TRAPPC8: variants seen among roughly 807,000 people sequenced by gnomAD.
TRAPPC8 encodes general sporulation gene 1 homolog.
TRAPPC8 carries 54 observed loss-of-function variants against 174.3 expected under a neutral mutation model. That is an observed-to-expected ratio of 0.31 (90% CI 0.25 to 0.39). The LOEUF (loss-of-function observed/expected upper bound fraction) is 0.39. Ranked by LOEUF, TRAPPC8 falls within the 10% of genes least tolerant of loss-of-function variation. The pLI is 1.00. For missense variants in TRAPPC8, 1,531 were observed against 1,699.1 expected, an observed-to-expected ratio of 0.90 and a Z score of 1.74; for synonymous variants, 630 against 579.9, an observed-to-expected ratio of 1.09 and a Z score of -1.24.
intron 16 of TRAPPC8, among the ~76,000 whole-genome samples, chr18:31,869,817 G>A (rs545460927): frequency 1.4e-4 from 22 of 152,286 alleles, no homozygotes; most frequent in Admixed American, 3.9e-4. Flanking sequence ...GGCCGGGCGC[G>A]GTGGCTCATG....
At chr18:31,867,604 T>A in intron 16 of TRAPPC8, 128 bp from the exon 17 acceptor site, 1 of 536,772 alleles carries the variant, frequency 1.9e-6, no homozygotes, top group Non-Finnish European at 3.2e-6. Flanking sequence ...TTTTACCACA[T>A]GCTGAGCTCT....
chr18:31,890,131 T>A (rs2035890732), intron 12 of TRAPPC8, among the ~76,000 whole-genome samples: 1 of 152,166 alleles, frequency 6.6e-6, no homozygotes, highest in Non-Finnish European at 1.5e-5. Context: ...CAAGTTTCCA[T>A]TTATATTTAT....
At chr18:31,908,262 G>GT in intron 8 of TRAPPC8, 41 bp downstream of exon 8, 1 of 1,317,426 alleles carries the variant, frequency 7.6e-7, no homozygotes, top group Non-Finnish European at 1.1e-6. Flanking sequence ...TAGTCAGAGA[G>GT]TTAAACAGAG....
intron 19 of TRAPPC8, among the ~76,000 whole-genome samples, chr18:31,859,701 G>T (rs2034224187): frequency 6.6e-6 from 1 of 152,136 alleles, no homozygotes; most frequent in African/African-American, 2.4e-5. Context: ...TCAGAACACA[G>T]GTTTACTAAA....
chr18:31,905,429 C>T (rs2145460451), intron 9 of TRAPPC8, among the ~76,000 whole-genome samples: 1 of 152,274 alleles, frequency 6.6e-6, no homozygotes, highest in East Asian at 1.9e-4. Context: ...ACACCACCAG[C>T]CTTGCACAGC....
chr18:31,921,759 A>G (rs181528972), intron 2 of TRAPPC8, among the ~76,000 whole-genome samples: 117 of 152,326 alleles, frequency 7.7e-4, no homozygotes, highest in African/African-American at 2.5e-3. Flanking sequence ...ATGTGATTAC[A>G]TATTTCATTT....
chr18:31,933,725 C>T (rs1195295366), intron 1 of TRAPPC8, among the ~76,000 whole-genome samples: 3 of 151,650 alleles, frequency 2.0e-5, no homozygotes, highest in South Asian at 2.1e-4. Flanking sequence ...TCAAGGCCTG[C>T]GTATATTTTA....
intron 11 of TRAPPC8, among the ~76,000 whole-genome samples, chr18:31,896,597 C>T (rs1033705716): frequency 6.6e-6 from 1 of 152,032 alleles, no homozygotes; most frequent in African/African-American, 2.4e-5. Flanking sequence ...TTTAAGATGC[C>T]TTGGAAACAC....
intron 13 of TRAPPC8, 90 bp from the exon 14 acceptor site, chr18:31,873,628 A>G: frequency 1.2e-6 from 1 of 830,246 alleles, no homozygotes; most frequent in South Asian, 1.7e-5. Flanking sequence ...AAGGCATTAA[A>G]AATATGTTAA....
rs569764067 is a variant in TRAPPC8, at chr18:31,852,223, C to A, written c.3561+223G>T. On this transcript the variant is annotated intron_variant, in intron 24 of 28. Coordinates refer to ENST00000283351, the MANE Select transcript of TRAPPC8 (RefSeq NM_014939.5). The stretch of plus-strand genomic sequence containing the variant: ...AGGTGTGATGGCTGATGCCTGTAGT[C>A]CCAGCTACTCAGGAGGCTGAGGGGG... 3.9e-5 allele frequency among the ~76,000 whole-genome samples: 6 copies of A among 152,144 alleles called. No individual in the cohort carries two copies. The East Asian group carries it at 1.2e-3, about 29-fold the overall frequency.
At chr18:31,896,649 T>G in intron 11 of TRAPPC8, among the ~76,000 whole-genome samples, 1 of 152,126 alleles carries the variant, frequency 6.6e-6, no homozygotes, top group East Asian at 1.9e-4. Flanking sequence ...TTGAGACAAA[T>G]GAGTCTCGCT....
chr18:31,857,492 T>C, intron 20 of TRAPPC8, 48 bp downstream of exon 20: 1 of 1,425,768 alleles, frequency 7.0e-7, no homozygotes, highest in Non-Finnish European at 9.5e-7. Flanking sequence ...AATATGTGCA[T>C]ATACATTGAA....
rs775250493 is a variant in TRAPPC8, at chr18:31,871,051, C to T, written c.2132G>A (p.Arg711Gln). 6 of 1,611,120 alleles carry T rather than the reference C, an allele frequency of 3.7e-6. No homozygotes were observed. In the African/African-American group the frequency reaches 5.3e-5, roughly 14 times the overall value. Reference protein sequence around the residue: ...EYDSESSQQWRELEEQVVSVV... With the variant: ...EYDSESSQQWQELEEQVVSVV... ...AGAAACAACTTGTTCCTCAAGTTCT[C>T]GCCACTGCTGAGAGGATTCAGAATC... The change falls in exon 15 of 29, where the codon CGA (arginine) becomes CAA (glutamine). Residue 711 changes from arginine (R) to glutamine (Q), a missense_variant. Transcript: ENST00000283351.
intron 3 of TRAPPC8, among the ~76,000 whole-genome samples, chr18:31,916,986 A>G (rs2037177575): frequency 6.6e-6 from 1 of 152,052 alleles, no homozygotes; most frequent in Admixed American, 6.6e-5. Context: ...CCATTAATAT[A>G]TATGTAACAA....
chr18:31,862,435 C>T (rs2034376788), intron 19 of TRAPPC8, among the ~76,000 whole-genome samples: 1 of 151,726 alleles, frequency 6.6e-6, no homozygotes, highest in Non-Finnish European at 1.5e-5. Context: ...AAAAGAGAAC[C>T]TGGTATGGAT....
At position 31,933,908 on chromosome 18, in the gene TRAPPC8, C is replaced by T. The variant is rs114661300; in HGVS notation, c.158-2385G>A. Among the ~76,000 whole-genome samples, 1,070 of 152,058 alleles carry T rather than the reference C, an allele frequency of 7.0e-3. 14 individuals are homozygous for T. The highest frequency in any genetic ancestry group is 0.025 in the African/African-American group (1,025 of 41,478). ...GATACACAAAAAGTATACATGCAGC[C>T]GGGCATGGTGTCTCACTGTTGTAAT... On this transcript the variant is annotated intron_variant, in intron 1 of 28. Transcript: ENST00000283351.
At chr18:31,920,600 A>G (rs1050639858) in intron 2 of TRAPPC8, among the ~76,000 whole-genome samples, 9 of 151,596 alleles carry the variant, frequency 5.9e-5, no homozygotes, top group Non-Finnish European at 1.3e-4. Context: ...CAGGAATTTG[A>G]GACTAGCTAG....
rs2032233526 is a variant in TRAPPC8, at chr18:31,829,369, A to G, written c.*1386T>C. On this transcript the variant is annotated 3_prime_UTR_variant, in exon 29 of 29. Transcript: ENST00000283351. ...CCTCATTCTTGTCTTTCCTCCTCAGACTTTTTATAAGCCCATGGCCCTAAA... is the reference window on the plus strand; with the variant it reads ...CCTCATTCTTGTCTTTCCTCCTCAGGCTTTTTATAAGCCCATGGCCCTAAA... 6.6e-6 allele frequency: 1 copy of G among 152,074 alleles called. No homozygotes were observed. Among genetic ancestry groups the G allele is most frequent in the Admixed American group, 6.6e-5 (1 of 15,258 alleles). 9.4% of individuals were successfully genotyped at this position (152,074 alleles called of 1,614,324 possible). A position where few individuals can be genotyped will look rare whatever the true frequency, so the allele number is the denominator to read the frequency against.
intron 2 of TRAPPC8, among the ~76,000 whole-genome samples, chr18:31,925,797 C>T (rs115662558): frequency 0.013 from 1,909 of 152,208 alleles, 38 homozygotes; most frequent in African/African-American, 0.043. Context: ...AAGAGCAATG[C>T]TTGAAGCTAA....
Sources: allele counts gnomAD v4.1 joint callset (sites outside exome capture counted in the v4.1 genomes callset), GRCh38; gene constraint gnomAD v4.1.1; transcripts MANE v1.5; gene names NCBI Gene and HGNC (gene_info 2026-07-23, HGNC 2026-07-21).